Variants in FTCDNL1 observed in about 807,000 individuals in gnomAD.
The protein encoded by FTCDNL1 is formiminotransferase cyclodeaminase N-terminal like, also known as formiminotransferase N-terminal subdomain-containing protein.
FTCDNL1 carries 11 observed loss-of-function variants against 5.9 expected under a neutral mutation model. That is an observed-to-expected ratio of 1.87 (90% confidence interval 1.18 to 3.10). FTCDNL1 has a LOEUF of 3.10. Ranked by LOEUF, FTCDNL1 falls within the 30% of genes most tolerant of loss-of-function variation. FTCDNL1 has a pLI of 0.00. For missense variants in FTCDNL1, 115 were observed against 65.5 expected, an observed-to-expected ratio of 1.76 and a Z score of -2.61; for synonymous variants, 58 against 24.8, an observed-to-expected ratio of 2.34 and a Z score of -3.99.
chr2:199,786,919 G>GGTTCTAGGGGA (rs1699680684), intron 3 of FTCDNL1, among the ~76,000 whole-genome samples: 1 of 152,160 alleles, frequency 6.6e-6, no homozygotes. Flanking sequence ...ATTCCTCTAT[G>GGTTCTAGGGGA]GTTCTAGGGG....
At chr2:199,730,917 A>G in the FTCDNL1 span, among the ~76,000 whole-genome samples, 1 of 152,248 alleles carries the variant, frequency 6.6e-6, no homozygotes, top group Non-Finnish European at 1.5e-5. Flanking sequence ...AGCACTATTT[A>G]TAATAGCAAA....
At chr2:199,771,074 T>C (rs761137477) in intron 3 of FTCDNL1, among the ~76,000 whole-genome samples, 2 of 152,356 alleles carry the variant, frequency 1.3e-5, no homozygotes, top group African/African-American at 2.4e-5. Flanking sequence ...ATTCTGAGCA[T>C]GCAATAATGA....
the FTCDNL1 span, among the ~76,000 whole-genome samples, chr2:199,728,172 C>A: frequency 6.6e-6 from 1 of 152,180 alleles, no homozygotes; most frequent in Non-Finnish European, 1.5e-5. Context: ...CTATAAATCA[C>A]TTACAATCTA....
Position 199,760,941 on chromosome 2 carries a change from T to A in FTCDNL1, c.212-106A>T, listed in dbSNP as rs533989770. On this transcript the variant is annotated intron_variant, in intron 3 of 3. Coordinates refer to the FTCDNL1 transcript ENST00000416668. ...TCCTTTCCTTGCTTCACTGTCTGGC[T>A]GACAGTAGCTACCTGGCAGCTGTCT... is the stretch of plus-strand genomic sequence containing the variant. The A allele has an allele frequency of 1.3e-5, 9 of 690,350 alleles. No individual in the cohort carries two copies. The East Asian group carries it at 2.4e-4, about 19-fold the overall frequency. The allele number at this position is 690,350 out of a possible 1,614,324, so 42.8% of individuals were successfully genotyped here.
chr2:199,781,150 A>T (rs1282496265), intron 3 of FTCDNL1, among the ~76,000 whole-genome samples: 4 of 152,206 alleles, frequency 2.6e-5, no homozygotes, highest in African/African-American at 9.7e-5. Flanking sequence ...TCTCTTACTC[A>T]GACCTCCTTG....
At chr2:199,676,912 A>G in the FTCDNL1 span, among the ~76,000 whole-genome samples, 1 of 152,212 alleles carries the variant, frequency 6.6e-6, no homozygotes, top group Non-Finnish European at 1.5e-5. Context: ...AAATGTCTGC[A>G]TTGAAAAACC....
intron 3 of FTCDNL1, among the ~76,000 whole-genome samples, chr2:199,774,191 C>T (rs1425741723): frequency 6.6e-6 from 1 of 152,146 alleles, no homozygotes; most frequent in East Asian, 1.9e-4. Context: ...GCCATCCTAG[C>T]CGTGTGTTAG....
the FTCDNL1 span, among the ~76,000 whole-genome samples, chr2:199,739,720 C>T: frequency 1.3e-5 from 2 of 152,196 alleles, no homozygotes; most frequent in Non-Finnish European, 2.9e-5. Flanking sequence ...GTGACCATCC[C>T]AACACCCCGA....
At chr2:199,763,434 T>A (rs949462419) in intron 3 of FTCDNL1, among the ~76,000 whole-genome samples, 1 of 152,196 alleles carries the variant, frequency 6.6e-6, no homozygotes, top group African/African-American at 2.4e-5. Context: ...GCCTTAAATA[T>A]TTTTATGTAG....
At chr2:199,797,554 G>C (rs1387985198) in intron 3 of FTCDNL1, among the ~76,000 whole-genome samples, 1 of 152,218 alleles carries the variant, frequency 6.6e-6, no homozygotes, top group Non-Finnish European at 1.5e-5. Context: ...ATGAGATACT[G>C]TAAACATGTA....
the FTCDNL1 span, among the ~76,000 whole-genome samples, chr2:199,754,069 C>T: frequency 8.5e-5 from 13 of 152,292 alleles, no homozygotes; most frequent in East Asian, 2.5e-3. Flanking sequence ...TAGAGCAGGG[C>T]CTCAGGGCCT....
the FTCDNL1 span, among the ~76,000 whole-genome samples, chr2:199,730,628 C>A: frequency 6.6e-6 from 1 of 152,152 alleles, no homozygotes; most frequent in Non-Finnish European, 1.5e-5. Context: ...AAATGCAAAT[C>A]AAAACCACAA....
the FTCDNL1 span, among the ~76,000 whole-genome samples, chr2:199,732,766 C>T: frequency 6.6e-6 from 1 of 152,122 alleles, no homozygotes; most frequent in Non-Finnish European, 1.5e-5. Flanking sequence ...GCACCCTAAC[C>T]CATCGAACCC....
At chr2:199,715,745 G>A in the FTCDNL1 span, among the ~76,000 whole-genome samples, 5 of 152,120 alleles carry the variant, frequency 3.3e-5, no homozygotes, top group Non-Finnish European at 7.4e-5. Context: ...GAGAGGTTAA[G>A]TTACTTGTCC....
intron 3 of FTCDNL1, among the ~76,000 whole-genome samples, chr2:199,795,924 T>C (rs1700149615): frequency 2.0e-5 from 3 of 152,210 alleles, no homozygotes; most frequent in Admixed American, 1.3e-4. Context: ...AAGCACTATG[T>C]CTATAACATT....
At chr2:199,821,532 T>C (rs1701691971) in intron 3 of FTCDNL1, among the ~76,000 whole-genome samples, 1 of 151,894 alleles carries the variant, frequency 6.6e-6, no homozygotes, top group Admixed American at 6.6e-5. Flanking sequence ...TGGCATGATC[T>C]TGGCTCAGTG....
the FTCDNL1 span, among the ~76,000 whole-genome samples, chr2:199,706,139 A>G: frequency 6.6e-6 from 1 of 152,102 alleles, no homozygotes; most frequent in African/African-American, 2.4e-5. Flanking sequence ...AAAGAGTGAT[A>G]CCTCCTTTTT....
intron 3 of FTCDNL1, among the ~76,000 whole-genome samples, chr2:199,832,820 T>C (rs1574653985): frequency 6.6e-6 from 1 of 152,078 alleles, no homozygotes; most frequent in African/African-American, 2.4e-5. Context: ...TCGATTATCA[T>C]AACCATCCTG....
At chr2:199,712,305 G>A in the FTCDNL1 span, among the ~76,000 whole-genome samples, 1 of 152,132 alleles carries the variant, frequency 6.6e-6, no homozygotes, top group African/African-American at 2.4e-5. Flanking sequence ...TGCTCCTGCT[G>A]TCACTGCACC....
Sources: gnomAD v4.1 joint callset for allele counts (sites outside exome capture counted in the v4.1 genomes callset) on GRCh38, gnomAD v4.1.1 for gene constraint, MANE v1.5 for transcripts, NCBI Gene and HGNC (gene_info 2026-07-23, HGNC 2026-07-21) for gene names.